Variants in TOPBP1 observed in about 807,000 individuals in gnomAD.
TOPBP1 encodes DNA topoisomerase 2-binding protein 1.
A neutral mutation model predicts 167.7 loss-of-function variants in TOPBP1; 28 were observed. That is an observed-to-expected ratio of 0.17 (90% CI 0.12 to 0.23). The LOEUF is 0.23. Ranked by LOEUF, TOPBP1 falls within the 10% of genes least tolerant of loss-of-function variation. The pLI is 1.00. For missense variants in TOPBP1, 1,554 were observed against 1,809.6 expected, an observed-to-expected ratio of 0.86 and a Z score of 2.56; for synonymous variants, 598 against 611.4, an observed-to-expected ratio of 0.98 and a Z score of 0.32.
At chr3:133,618,122 G>C in intron 21 of TOPBP1, 91 bp downstream of exon 21, 1 of 1,133,092 alleles carries the variant, frequency 8.8e-7, no homozygotes, top group South Asian at 1.4e-5. Flanking sequence ...TGCACATTCA[G>C]ATCAGAGAAC....
intron 24 of TOPBP1, 59 bp from the exon 25 acceptor site, chr3:133,611,200 T>A (rs374581948): frequency 1.3e-6 from 2 of 1,508,562 alleles, no homozygotes; most frequent in Non-Finnish European, 1.8e-6. Context: ...CTGTGCAACA[T>A]ACAGGGCTCC....
intron 6 of TOPBP1, among the ~76,000 whole-genome samples, chr3:133,654,034 T>C (rs1316010327): frequency 6.6e-6 from 1 of 152,266 alleles, no homozygotes; most frequent in Non-Finnish European, 1.5e-5. Context: ...TTTTAGCTTA[T>C]TGCCTAATTA....
chr3:133,660,350 C>T (rs1344180918), intron 2 of TOPBP1, among the ~76,000 whole-genome samples: 1 of 152,158 alleles, frequency 6.6e-6, no homozygotes. Context: ...TGTCCTCCTG[C>T]TAGAATGTAA....
intron 23 of TOPBP1, among the ~76,000 whole-genome samples, chr3:133,613,035 A>G (rs1047825725): frequency 1.3e-5 from 2 of 151,880 alleles, no homozygotes; most frequent in African/African-American, 4.8e-5. Context: ...TAATTTTTGT[A>G]TTTTTAGTAA....
At chr3:133,602,943 T>G (rs1934360229) in intron 27 of TOPBP1, among the ~76,000 whole-genome samples, 1 of 149,926 alleles carries the variant, frequency 6.7e-6, no homozygotes, top group Non-Finnish European at 1.5e-5. Flanking sequence ...TCACCTAGGC[T>G]GGAGTGCAGA....
chr3:133,635,002 A>G (rs1935618676), intron 14 of TOPBP1, among the ~76,000 whole-genome samples: 1 of 152,238 alleles, frequency 6.6e-6, no homozygotes, highest in South Asian at 2.1e-4. Flanking sequence ...GAAAAGGGGG[A>G]AAGAGAATAA....
chr3:133,639,877 T>A (rs142861008), intron 13 of TOPBP1, 82 bp downstream of exon 13: 1 of 1,420,492 alleles, frequency 7.0e-7, no homozygotes, highest in East Asian at 2.5e-5. Context: ...TGACCCTTCC[T>A]AAACACAAGC....
At chr3:133,634,506 ACT>A (rs1288881034) in intron 14 of TOPBP1, among the ~76,000 whole-genome samples, 1 of 152,032 alleles carries the variant, frequency 6.6e-6, no homozygotes, top group Non-Finnish European at 1.5e-5. Flanking sequence ...ACAGAGCGAG[ACT>A]CTGTCTTAAA....
intron 22 of TOPBP1, 60 bp from the exon 23 acceptor site, chr3:133,616,985 C>A (rs1934914565): frequency 3.2e-6 from 4 of 1,265,326 alleles, no homozygotes; most frequent in Non-Finnish European, 4.3e-6. Flanking sequence ...ATACACAGTT[C>A]TTTTATAGTG....
intron 5 of TOPBP1, 151 bp downstream of exon 5, chr3:133,656,525 T>C (rs935444292): frequency 8.8e-6 from 6 of 685,076 alleles, no homozygotes; most frequent in Non-Finnish European, 1.3e-5. Flanking sequence ...AATAAGAGCT[T>C]GTAGATTCTG....
chr3:133,660,421 A>C (rs1008810060), intron 2 of TOPBP1, among the ~76,000 whole-genome samples: 1 of 152,218 alleles, frequency 6.6e-6, no homozygotes. Flanking sequence ...AGTACTAGAG[A>C]AGTGCCTATC....
At position 133,638,138 on chromosome 3, in the gene TOPBP1, G is replaced by T. The variant is rs369038110; in HGVS notation, c.2258C>A (p.Thr753Lys). Residue 753 changes from threonine (T) to lysine (K), a missense_variant, in exon 14 of 28, where the codon ACA becomes AAA. Physicochemically the swap from Thr to Lys is moderately conservative, Grantham distance 78. Transcript: ENST00000260810. ...KEERSLETEI[T>K]NGINLNSDTA... is the part of the protein sequence containing the mutation. ...ATCTGAATTTAGATTGATTCCATTT[G>T]TTATTTCTGTTTCCAAACTTCGTTC... 72 of 1,613,118 alleles carry T rather than the reference G, an allele frequency of 4.5e-5. No homozygotes were observed. Among genetic ancestry groups the T allele is most frequent in the Non-Finnish European group, 6.1e-5 (72 of 1,179,340 alleles).
At chr3:133,631,719 A>G (rs567182378) in intron 14 of TOPBP1, among the ~76,000 whole-genome samples, 20 of 152,206 alleles carry the variant, frequency 1.3e-4, no homozygotes, top group Admixed American at 2.0e-4. Context: ...GTGCAATGCA[A>G]TCTCTGCCTC....
At chr3:133,607,454 A>G (rs556042879) in intron 27 of TOPBP1, among the ~76,000 whole-genome samples, 94 of 152,244 alleles carry the variant, frequency 6.2e-4, no homozygotes, top group African/African-American at 2.0e-3. Context: ...GTGTAATAGA[A>G]TAAGTAAATA....
intron 8 of TOPBP1, among the ~76,000 whole-genome samples, chr3:133,650,361 GTGT>G (rs1936245746): frequency 5.4e-5 from 6 of 110,950 alleles, no homozygotes; most frequent in Non-Finnish European, 1.1e-4. Flanking sequence ...AATTGTGTGT[GTGT>G]GGGGGGCGGG....
chr3:133,649,322 T>A, intron 10 of TOPBP1, 61 bp downstream of exon 10: 1 of 1,543,280 alleles, frequency 6.5e-7, no homozygotes, highest in Non-Finnish European at 8.7e-7. Context: ...ATCACATATG[T>A]ACGTATTAGG....
Position 133,620,297 on chromosome 3 carries a change from CCTG to C in TOPBP1, c.3226_3228del (p.Gln1076del), listed in dbSNP as rs1449559424. 6.2e-7 allele frequency: 1 copy of C among 1,613,960 alleles called. No individual in the cohort carries two copies. The highest frequency in any genetic ancestry group is 8.5e-7 in the Non-Finnish European group (1 of 1,179,886). On this transcript the variant is annotated inframe_deletion, in exon 20 of 28. Coordinates refer to ENST00000260810, the MANE Select transcript of TOPBP1 (RefSeq NM_007027.4). ...ACTATTGATGTTGCAGACATTATCT[CCTG>C]TAACTGCTTCTGAAAGTTCTCTCTC...
rs1174416733 is a variant in TOPBP1 at position 133,638,025 on chromosome 3, A to C, written c.2371T>G (p.Phe791Val). The change falls in exon 14 of 28, where the codon TTC becomes GTC. Residue 791 changes from phenylalanine (F) to valine (V), a missense_variant. This residue lies in a region of TOPBP1 where 1,197 missense variants were observed against 1,351.5 expected (regional missense o/e 0.89). Transcript: ENST00000260810. ...GCATGTTGTGAGACCACAGCACGGAAAGCTTTACTCTGAAAGCGGTTCATA... is the reference window on the plus strand; with the variant it reads ...GCATGTTGTGAGACCACAGCACGGACAGCTTTACTCTGAAAGCGGTTCATA... ...LDMNRFQSKAFRAVVSQHARQ... is the reference protein window; with the variant it reads ...LDMNRFQSKAVRAVVSQHARQ... 1 of 1,614,000 alleles carries C rather than the reference A, an allele frequency of 6.2e-7. No homozygotes were observed.
At chr3:133,627,866 C>A (rs1935316952) in intron 16 of TOPBP1, among the ~76,000 whole-genome samples, 1 of 147,154 alleles carries the variant, frequency 6.8e-6, no homozygotes. Flanking sequence ...ATCTAAGTCT[C>A]CAAAGTTTAA....
Sources: gnomAD v4.1 joint callset for allele counts (sites outside exome capture counted in the v4.1 genomes callset) on GRCh38, gnomAD v4.1.1 for gene constraint, gnomAD v4.1.1 regional missense constraint, MANE v1.5 for transcripts, NCBI Gene and HGNC (gene_info 2026-07-23, HGNC 2026-07-21) for gene names.